The following MAP1LC3B variants were observed in gnomAD, a reference collection of about 807,000 sequenced individuals.
MAP1LC3B encodes microtubule-associated protein 1 light chain 3 beta.
Under a neutral mutation model 16.7 loss-of-function variants are expected in MAP1LC3B, and 12 were observed. That is an observed-to-expected ratio of 0.72 (90% CI 0.46 to 1.16). The LOEUF is 1.16. Ranked by LOEUF, MAP1LC3B falls within the 50% of genes most tolerant of loss-of-function variation. The pLI is 0.00. For missense variants in MAP1LC3B, 155 were observed against 159.5 expected (o/e 0.97, Z 0.15); for synonymous variants, 63 against 56.5 (o/e 1.11, Z -0.51).
chr16:87,395,579 G>C (rs898443150), intron 1 of MAP1LC3B, among the ~76,000 whole-genome samples: 2 of 152,172 alleles, frequency 1.3e-5, no homozygotes, highest in African/African-American at 2.4e-5. Context: ...TGGAGCATCC[G>C]TGTGTACCGT....
At position 87,392,391 on chromosome 16, in the gene MAP1LC3B, G is replaced by C; in HGVS notation, c.-37G>C. 7.1e-7 allele frequency: 1 copy of C among 1,414,222 alleles called. No individual in the cohort carries two copies. The highest frequency in any genetic ancestry group is 9.2e-7 in the Non-Finnish European group (1 of 1,092,720). The allele number at this position is 1,414,222 out of a possible 1,614,324, so 87.6% of individuals were successfully genotyped here. A position where few individuals can be genotyped will look rare whatever the true frequency, so the allele number is the denominator to read the frequency against. On this transcript the variant is annotated 5_prime_UTR_variant, in exon 1 of 4. Coordinates refer to ENST00000268607, the MANE Select transcript of MAP1LC3B (RefSeq NM_022818.5). ...GCCCCCGGGAGCCGCCGGGACCCTC[G>C]CGTCGTCGCCGCCGCCGCCGCCCAG...
intron 2 of MAP1LC3B, chr16:87,399,447 A>T (rs1907910655): frequency 3.2e-6 from 1 of 315,660 alleles, no homozygotes; most frequent in Admixed American, 4.5e-5. Flanking sequence ...CAAACTTACC[A>T]AGGAAAGTGA....
chr16:87,397,833 A>G (rs923254153), intron 1 of MAP1LC3B, among the ~76,000 whole-genome samples: 3 of 151,496 alleles, frequency 2.0e-5, no homozygotes, highest in Non-Finnish European at 2.9e-5. Context: ...AAATAATGCC[A>G]TCTAAGTCAT....
intron 1 of MAP1LC3B, among the ~76,000 whole-genome samples, chr16:87,396,330 C>G (rs1455990583): frequency 1.3e-5 from 2 of 151,710 alleles, no homozygotes; most frequent in Admixed American, 6.6e-5. Context: ...AAAAAATTAG[C>G]CGGGCGTGGT....
chr16:87,393,479 G>T, intron 1 of MAP1LC3B, among the ~76,000 whole-genome samples: 1 of 152,172 alleles, frequency 6.6e-6, no homozygotes, highest in East Asian at 1.9e-4. Context: ...AAAGAGTTTA[G>T]CATTCATTTG....
At chr16:87,399,467 G>C in intron 2 of MAP1LC3B, 2 of 326,754 alleles carry the variant, frequency 6.1e-6, no homozygotes, top group South Asian at 4.8e-5. Flanking sequence ...ATGACAGCTT[G>C]ACTCGGCCTT....
At chr16:87,396,331 C>T (rs894019943) in intron 1 of MAP1LC3B, among the ~76,000 whole-genome samples, 10 of 150,814 alleles carry the variant, frequency 6.6e-5, no homozygotes, top group Non-Finnish European at 8.9e-5. Context: ...AAAAATTAGC[C>T]GGGCGTGGTG....
chr16:87,404,524 TTAATA>T lies in MAP1LC3B; in HGVS notation c.*1429_*1433del, dbSNP rs2150714975. 1 of 152,270 alleles carries T rather than the reference TTAATA, an allele frequency of 6.6e-6. No homozygotes were observed. Among genetic ancestry groups the T allele is most frequent in the African/African-American group, 2.4e-5 (1 of 41,548 alleles). 9.4% of individuals were successfully genotyped at this position (152,270 alleles called of 1,614,324 possible). On this transcript the variant is annotated 3_prime_UTR_variant, in exon 4 of 4. Coordinates refer to ENST00000268607, the MANE Select transcript of MAP1LC3B (RefSeq NM_022818.5). ...ATGCGTCTGTCCACTTGGCTAACTT[TTAATA>T]TGTGTATTTTTACATTATGTATATT...
chr16:87,392,583 C>G (rs1381697084), intron 1 of MAP1LC3B, 116 bp downstream of exon 1: 20 of 992,082 alleles, frequency 2.0e-5, no homozygotes, highest in Non-Finnish European at 2.3e-5. Context: ...CGAGCGGGGC[C>G]GGTGGCTGCC....
Position 87,402,971 on chromosome 16 carries a change from C to T in MAP1LC3B, c.252C>T (p.Asn84=), listed in dbSNP as rs762766923. Residue 84 remains asparagine (N), a synonymous_variant, in exon 4 of 4, where the codon AAC becomes AAT. Transcript: ENST00000268607. The part of the protein sequence containing the change: ...NANQAFFLLV[N]GHSMVSVSTP... Reference sequence around the variant, plus strand: ...ATCAGGCCTTCTTCCTGTTGGTGAACGGACACAGCATGGTCAGCGTCTCCA... The same window carrying T: ...ATCAGGCCTTCTTCCTGTTGGTGAATGGACACAGCATGGTCAGCGTCTCCA... 29 of 1,613,836 alleles carry T rather than the reference C, an allele frequency of 1.8e-5. No individual in the cohort carries two copies. The highest frequency in any genetic ancestry group is 2.7e-5 in the African/African-American group (2 of 74,890).
At chr16:87,395,646 C>T (rs924848795) in intron 1 of MAP1LC3B, among the ~76,000 whole-genome samples, 4 of 152,078 alleles carry the variant, frequency 2.6e-5, no homozygotes, top group Admixed American at 2.6e-4. Context: ...TGCTGGACAG[C>T]GTGCTAAGAT....
chr16:87,394,824 G>T (rs372564980), intron 1 of MAP1LC3B, among the ~76,000 whole-genome samples: 21 of 147,164 alleles, frequency 1.4e-4, no homozygotes, highest in African/African-American at 5.0e-4. Flanking sequence ...TGTAATCCCA[G>T]CACTTTGGGA....
chr16:87,401,758 G>A (rs940651799), intron 2 of MAP1LC3B, among the ~76,000 whole-genome samples: 1 of 151,998 alleles, frequency 6.6e-6, no homozygotes, highest in South Asian at 2.1e-4. Flanking sequence ...TCGAACTCCT[G>A]ACCTCAGGTG....
Position 87,404,055 on chromosome 16 carries a change from T to G in MAP1LC3B, c.*958T>G, listed in dbSNP as rs1291571463. ...GTTTTTTTAATGTTAAATGTGTAAC[T>G]CAGTATTACTGAAAAGGTACCCACA... On this transcript the variant is annotated 3_prime_UTR_variant, in exon 4 of 4. Transcript: ENST00000268607. 6.6e-6 allele frequency: 1 copy of G among 152,160 alleles called. No individual in the cohort carries two copies. The highest frequency in any genetic ancestry group is 1.5e-5 in the Non-Finnish European group (1 of 68,048). The allele number at this position is 152,160 out of a possible 1,614,324, so 9.4% of individuals were successfully genotyped here. A position where few individuals can be genotyped will look rare whatever the true frequency, so the allele number is the denominator to read the frequency against.
intron 1 of MAP1LC3B, chr16:87,396,817 CATT>C (rs1227352073): frequency 6.6e-6 from 1 of 152,162 alleles, no homozygotes; most frequent in African/African-American, 2.4e-5. Flanking sequence ...CGAAATTTGT[CATT>C]ATTATTTTTA....
Position 87,398,821 on chromosome 16 carries a change from G to A in MAP1LC3B, c.47G>A (p.Arg16Lys), listed in dbSNP as rs1907890684. 2 of 1,614,024 alleles carry A rather than the reference G, an allele frequency of 1.2e-6. No individual in the cohort carries two copies. The highest frequency in any genetic ancestry group is 1.3e-5 in the African/African-American group (1 of 74,940). Residue 16 changes from arginine to lysine, a missense_variant, in exon 2 of 4, where the codon AGA (arginine) becomes AAA (lysine). Physicochemically the swap from Arg to Lys is conservative, Grantham distance 26 (BLOSUM62 2). Coordinates refer to ENST00000268607, the MANE Select transcript of MAP1LC3B (RefSeq NM_022818.5). ...TFKQRRTFEQ[R>K]VEDVRLIREQ... is the part of the protein sequence containing the mutation. ...TCTCTTCATTTCATTGCAGAACAAA[G>A]AGTAGAAGATGTCCGACTTATTCGA...
intron 1 of MAP1LC3B, chr16:87,392,983 G>C (rs1465601106): frequency 1.3e-5 from 2 of 152,324 alleles, no homozygotes; most frequent in Admixed American, 6.5e-5. Context: ...GCCCGGGTGC[G>C]AGTGCCTCTT....
chr16:87,392,612 A>C, intron 1 of MAP1LC3B, 145 bp downstream of exon 1: 2 of 745,862 alleles, frequency 2.7e-6, no homozygotes, highest in Non-Finnish European at 3.4e-6. Context: ...GGGCCGAGGG[A>C]TGCGGGGCCC....
chr16:87,396,456 C>T (rs1235382713), intron 1 of MAP1LC3B, among the ~76,000 whole-genome samples: 1 of 148,014 alleles, frequency 6.8e-6, no homozygotes, highest in Non-Finnish European at 1.5e-5. Context: ...GCCTGAGTGA[C>T]AGAGCAAGAC....
Sources: gnomAD v4.1 joint callset for allele counts (sites outside exome capture counted in the v4.1 genomes callset) on GRCh38, gnomAD v4.1.1 for gene constraint, MANE v1.5 for transcripts, NCBI Gene and HGNC (gene_info 2026-07-23, HGNC 2026-07-21) for gene names.